DCD: variants seen among roughly 807,000 people sequenced by gnomAD.
DCD encodes diffusible survival/evasion peptide.
In DCD, 17 loss-of-function variants were observed where a neutral mutation model predicts 14.5. The observed-to-expected ratio is 1.18, with a 90% CI of 0.81 to 1.76. The LOEUF (loss-of-function observed/expected upper bound fraction) is 1.76, where lower values mean the gene tolerates loss of function less well. Among genes scored for constraint, DCD ranks in the 40% most tolerant of loss-of-function variants. DCD has a pLI of 0.00. For synonymous variants in DCD, 64 were observed against 54.0 expected (o/e 1.19, Z -0.82); for missense variants, 139 against 133.4 (o/e 1.04, Z -0.21).
chr12:54,645,227 C>T lies in DCD; in HGVS notation c.235G>A (p.Gly79Arg). The T allele has an allele frequency of 6.2e-7, 1 of 1,613,976 alleles. No individual in the cohort carries two copies. Among genetic ancestry groups the T allele is most frequent in the Non-Finnish European group, 8.5e-7 (1 of 1,180,000 alleles). ...GCATCTTTTCCTAGTTTTCCGAGTC[C>T]CCCCACAGCTTTTTTTGCTCCGTCT... Reference protein sequence around the residue: ...GLDGAKKAVGGLGKLGKDAVE... With the variant: ...GLDGAKKAVGRLGKLGKDAVE... Residue 79 changes from glycine to arginine, a missense_variant, in exon 4 of 5, where the codon GGA (glycine) becomes AGA (arginine). Physicochemically the swap from Gly to Arg is moderately radical, Grantham distance 125 (BLOSUM62 -2). Transcript: ENST00000293371.
chr12:54,645,792 C>G, intron 2 of DCD, 85 bp from the exon 3 acceptor site: 2 of 1,113,908 alleles, frequency 1.8e-6, no homozygotes, highest in Non-Finnish European at 2.7e-6. Flanking sequence ...TTTACCCCCT[C>G]AAGGTCTGGC....
At chr12:54,648,191 G>A (rs776009938) in intron 1 of DCD, 55 bp downstream of exon 1, 6 of 1,597,124 alleles carry the variant, frequency 3.8e-6, no homozygotes, top group Non-Finnish European at 4.3e-6. Context: ...AATGAAGGCA[G>A]GGCCCAGTCT....
At position 54,647,164 on chromosome 12, in the gene DCD, A is replaced by C; in HGVS notation, c.59-5T>G. On this transcript the variant is annotated splice_polypyrimidine_tract_variant and splice_region_variant and intron_variant, in intron 1 of 4. Coordinates refer to ENST00000293371, the MANE Select transcript of DCD (RefSeq NM_053283.4). ...CAGAGGCGGCCTCTGGATCATCTGC[A>C]AAGGAGGGAACAGTGACCATGTCAA... is the stretch of plus-strand genomic sequence containing the variant. 6.4e-7 allele frequency: 1 copy of C among 1,561,292 alleles called. No homozygotes were observed. Among genetic ancestry groups the C allele is most frequent in the Non-Finnish European group, 8.7e-7 (1 of 1,151,868 alleles).
In DCD at chr12:54,644,623, A is replaced by C. The variant is rs796644696; in HGVS notation, c.*90T>G. On this transcript the variant is annotated 3_prime_UTR_variant, in exon 5 of 5. Coordinates refer to ENST00000293371, the MANE Select transcript of DCD (RefSeq NM_053283.4). ...TGCTTTCAGTTTAATAGCTGTTTTA[A>C]ATTTTTTTTTTTTTTTTTTTTTTTA... 4.0e-5 allele frequency: 35 copies of C among 879,032 alleles called. No individual in the cohort carries two copies. Among genetic ancestry groups the C allele is most frequent in the African/African-American group, 3.2e-4 (17 of 52,740 alleles). The allele number at this position is 879,032 out of a possible 1,614,324, so 54.5% of individuals were successfully genotyped here. A position where few individuals can be genotyped will look rare whatever the true frequency, so the allele number is the denominator to read the frequency against.
At position 54,644,665 on chromosome 12, in the gene DCD, C is replaced by A. The variant is rs143447971; in HGVS notation, c.*48G>T. 23 of 1,035,252 alleles carry A rather than the reference C, an allele frequency of 2.2e-5. No individual in the cohort carries two copies. Among genetic ancestry groups the A allele is most frequent in the Non-Finnish European group, 2.8e-5 (19 of 684,370 alleles). The allele number at this position is 1,035,252 out of a possible 1,614,324, so 64.1% of individuals were successfully genotyped here. On this transcript the variant is annotated 3_prime_UTR_variant, in exon 5 of 5. Coordinates refer to ENST00000293371, the MANE Select transcript of DCD (RefSeq NM_053283.4). ...TTTTTTTTAGGTTTTAGGCTGAAGA[C>A]GTAAAGCCTGCTGCTCCTGGGTATC...
Position 54,645,189 on chromosome 12 carries a change from T to G in DCD, c.273A>C (p.Leu91=), listed in dbSNP as rs777930778. The G allele has an allele frequency of 1.9e-6, 3 of 1,614,002 alleles. No individual in the cohort carries two copies. The highest frequency in any genetic ancestry group is 1.1e-5 in the South Asian group (1 of 91,078). The change falls in exon 4 of 5, where the codon CTA becomes CTC. Residue 91 remains leucine, a synonymous_variant. Transcript: ENST00000293371. The stretch of plus-strand genomic sequence containing the variant: ...TATACTCACCTTTACCCACGCTTTC[T>G]AGATCTTCGACTGCATCTTTTCCTA... ...GKLGKDAVED[L]ESVGKGAVHD...
At chr12:54,645,091 G>C (rs1958246642) in intron 4 of DCD, 82 bp downstream of exon 4, 2 of 1,521,446 alleles carry the variant, frequency 1.3e-6, no homozygotes, top group African/African-American at 1.4e-5. Flanking sequence ...TCTTCAATGG[G>C]GGGGCTGTGG....
intron 3 of DCD, 75 bp from the exon 4 acceptor site, chr12:54,645,337 C>T: frequency 7.0e-7 from 1 of 1,418,666 alleles, no homozygotes; most frequent in South Asian, 1.2e-5. Context: ...TCCCCCGCTT[C>T]CTAGGCACCA....
Position 54,646,336 on chromosome 12 carries a change from G to A in DCD, c.98-629C>T, listed in dbSNP as rs565182139. 2.6e-5 allele frequency among the ~76,000 whole-genome samples: 4 copies of A among 152,234 alleles called. No individual in the cohort carries two copies. In the South Asian group the frequency reaches 6.2e-4, roughly 24 times the overall value. On this transcript the variant is annotated intron_variant, in intron 2 of 4. Coordinates refer to ENST00000293371, the MANE Select transcript of DCD (RefSeq NM_053283.4). ...CAGAAATACAGTTTATCTTTCTGCC[G>A]TTAATTATCCAGAGTGTGTACATGG...
intron 3 of DCD, 99 bp from the exon 4 acceptor site, chr12:54,645,361 G>A: frequency 8.1e-7 from 1 of 1,232,540 alleles, no homozygotes; most frequent in Non-Finnish European, 1.2e-6. Context: ...GCACCCCTAA[G>A]GTGAAGTGGT....
chr12:54,647,215 T>C, intron 1 of DCD, 56 bp from the exon 2 acceptor site: 1 of 1,527,170 alleles, frequency 6.5e-7, no homozygotes, highest in Non-Finnish European at 8.9e-7. Flanking sequence ...ATGAGCTGTA[T>C]CCAGCCAGGG....
Position 54,645,207 on chromosome 12 carries a change from T to G in DCD, c.255A>C (p.Lys85Asn). The change falls in exon 4 of 5, where the codon AAA becomes AAC. Residue 85 changes from lysine (K) to asparagine (N), a missense_variant. Coordinates refer to ENST00000293371, the MANE Select transcript of DCD (RefSeq NM_053283.4). ...CGCTTTCTAGATCTTCGACTGCATC[T>G]TTTCCTAGTTTTCCGAGTCCCCCCA... ...KAVGGLGKLG[K>N]DAVEDLESVG... 2 of 1,614,158 alleles carry G rather than the reference T, an allele frequency of 1.2e-6. No individual in the cohort carries two copies. Among genetic ancestry groups the G allele is most frequent in the Non-Finnish European group, 1.7e-6 (2 of 1,180,026 alleles).
At chr12:54,644,942 C>T in intron 4 of DCD, 186 bp from the exon 5 acceptor site, 3 of 1,549,302 alleles carry the variant, frequency 1.9e-6, no homozygotes, top group Non-Finnish European at 2.6e-6. Context: ...AACCTCTCTT[C>T]CCCACCTTGG....
intron 2 of DCD, 39 bp from the exon 3 acceptor site, chr12:54,645,746 C>T: frequency 4.5e-6 from 7 of 1,561,326 alleles, no homozygotes; most frequent in Non-Finnish European, 5.3e-6. Context: ...ATAGCTATTT[C>T]ACTCTTTCCA....
intron 1 of DCD, among the ~76,000 whole-genome samples, chr12:54,647,836 C>T (rs191261855): frequency 2.6e-5 from 4 of 152,252 alleles, no homozygotes; most frequent in African/African-American, 9.6e-5. Flanking sequence ...TGAGGAAATA[C>T]ATGGACACAG....
intron 2 of DCD, chr12:54,646,120 T>C (rs1424539368): frequency 4.4e-6 from 2 of 456,928 alleles, no homozygotes; most frequent in Non-Finnish European, 8.8e-6. Context: ...TGAAGGGGGC[T>C]TCTGTAGCTG....
chr12:54,647,683 A>C (rs570404770), intron 1 of DCD, among the ~76,000 whole-genome samples: 2 of 152,348 alleles, frequency 1.3e-5, no homozygotes, highest in Admixed American at 1.3e-4. Context: ...GCTGACAGTC[A>C]ATGGGGGATT....
At position 54,645,260 on chromosome 12, in the gene DCD, T is replaced by C; in HGVS notation, c.202A>G (p.Lys68Glu). 6.2e-7 allele frequency: 1 copy of C among 1,614,026 alleles called. No individual in the cohort carries two copies. The highest frequency in any genetic ancestry group is 1.1e-5 in the South Asian group (1 of 91,072). Residue 68 changes from lysine to glutamate, a missense_variant and splice_region_variant, in exon 4 of 5, where the codon AAA becomes GAA. Lys to Glu is a moderately conservative substitution (Grantham distance 56). Coordinates refer to ENST00000293371, the MANE Select transcript of DCD (RefSeq NM_053283.4). ...GCTTTTTTTGCTCCGTCTAGGCCTT[T>C]TTCTAGGGTGGATTCAGAAAAGAAG... ...PRKQRSSLLE[K>E]GLDGAKKAVG... is the part of the protein sequence containing the mutation.
intron 1 of DCD, 117 bp downstream of exon 1, chr12:54,648,129 G>A (rs1367910053): frequency 8.8e-7 from 1 of 1,140,796 alleles, no homozygotes. Context: ...GGCAGGAGTG[G>A]GCTACAGAGA....
Sources: gnomAD v4.1 joint callset for allele counts (sites outside exome capture counted in the v4.1 genomes callset) on GRCh38, gnomAD v4.1.1 for gene constraint, MANE v1.5 for transcripts, NCBI Gene and HGNC (gene_info 2026-07-23, HGNC 2026-07-21) for gene names.